The following HEMK1 variants were observed in gnomAD, a reference collection of about 807,000 sequenced individuals.
HEMK1 encodes HemK methyltransferase 1, mitochondrial release factors N(5)-glutamine, also known as MTRF1L release factor glutamine methyltransferase.
In HEMK1, 36 loss-of-function variants were observed where a neutral mutation model predicts 47.9. The ratio of observed to expected loss-of-function variants is 0.75; its 90% CI spans 0.58 to 0.99. HEMK1 has a LOEUF of 0.99. Ranked by LOEUF, HEMK1 falls within the 50% of genes least tolerant of loss-of-function variation. The probability of loss-of-function intolerance (pLI) is 0.00; values close to 1 mark genes in which losing one functional copy is unlikely to be tolerated. For synonymous variants in HEMK1, 153 were observed against 165.4 expected (o/e 0.93, Z 0.57); for missense variants, 383 against 434.5 (o/e 0.88, Z 1.05).
In HEMK1 at chr3:50,585,918, A is replaced by ACTAAC. The variant is rs1390395581; in HGVS notation, c.*5501_*5502insCTAAC. 1 of 152,160 alleles carries ACTAAC rather than the reference A, an allele frequency of 6.6e-6. No individual in the cohort carries two copies. Among genetic ancestry groups the ACTAAC allele is most frequent in the Non-Finnish European group, 1.5e-5 (1 of 68,026 alleles). The allele number at this position is 152,160 out of a possible 1,614,324, so 9.4% of individuals were successfully genotyped here. On this transcript the variant is annotated 3_prime_UTR_variant, in exon 11 of 11. Transcript: ENST00000232854. ...GGCCTGGGGTTAGTTAATTAAGTCA[A>ACTAAC]TTAGGTGGTGCTCATATGGCTGTCC...
intron 8 of HEMK1, among the ~76,000 whole-genome samples, 161 bp downstream of exon 8, chr3:50,579,087 C>G (rs2030323159): frequency 1.3e-5 from 2 of 152,218 alleles, no homozygotes; most frequent in Non-Finnish European, 1.5e-5. Flanking sequence ...TACCTAGATT[C>G]AGCTTCTACC....
chr3:50,575,329 A>G (rs1040145041), intron 4 of HEMK1, among the ~76,000 whole-genome samples: 1 of 152,284 alleles, frequency 6.6e-6, no homozygotes, highest in East Asian at 1.9e-4. Flanking sequence ...AGGCTGAGAC[A>G]GGCGAATCGC....
In HEMK1 at chr3:50,582,469, C is replaced by A. The variant is rs1336282354; in HGVS notation, c.*2052C>A. 6.6e-6 allele frequency: 1 copy of A among 152,264 alleles called. No homozygotes were observed. Among genetic ancestry groups the A allele is most frequent in the Non-Finnish European group, 1.5e-5 (1 of 68,070 alleles). The allele number at this position is 152,264 out of a possible 1,614,324, so 9.4% of individuals were successfully genotyped here. A position where few individuals can be genotyped will look rare whatever the true frequency, so the allele number is the denominator to read the frequency against. On this transcript the variant is annotated 3_prime_UTR_variant, in exon 11 of 11. Transcript: ENST00000232854. Reference sequence around the variant, plus strand: ...CTGGATTTCAATCCCAGAATCTGCCCCTCACGAGGATGTGACCTTGGGCAG... The same window carrying A: ...CTGGATTTCAATCCCAGAATCTGCCACTCACGAGGATGTGACCTTGGGCAG...
intron 7 of HEMK1, among the ~76,000 whole-genome samples, chr3:50,578,171 T>G (rs923970676): frequency 1.3e-5 from 2 of 152,210 alleles, no homozygotes; most frequent in African/African-American, 4.8e-5. Context: ...TGGCAACAGA[T>G]AAGCAAAAGC....
intron 4 of HEMK1, among the ~76,000 whole-genome samples, chr3:50,573,721 G>A (rs778375951): frequency 6.6e-6 from 1 of 152,260 alleles, no homozygotes; most frequent in Non-Finnish European, 1.5e-5. Context: ...TCAAGAGGAC[G>A]TGGCCTGTGG....
In HEMK1 at chr3:50,585,084, A is replaced by G. The variant is rs1243293566; in HGVS notation, c.*4667A>G. On this transcript the variant is annotated 3_prime_UTR_variant, in exon 11 of 11. Transcript: ENST00000232854. ...TGAAAGACTGACCAGCATGGGTCCCAGAAGGGAGTGGGTGAGGAATGGGAC... is the reference window on the plus strand; with the variant it reads ...TGAAAGACTGACCAGCATGGGTCCCGGAAGGGAGTGGGTGAGGAATGGGAC... 6.6e-6 allele frequency: 1 copy of G among 152,282 alleles called. No homozygotes were observed. The highest frequency in any genetic ancestry group is 2.4e-5 in the African/African-American group (1 of 41,450). The allele number at this position is 152,282 out of a possible 1,614,324, so 9.4% of individuals were successfully genotyped here.
chr3:50,580,266 G>A, intron 10 of HEMK1, 37 bp downstream of exon 10: 2 of 1,606,240 alleles, frequency 1.2e-6, no homozygotes, highest in East Asian at 2.2e-5. Flanking sequence ...GTAGCATGCT[G>A]GTCTTTCCAC....
In HEMK1 at chr3:50,584,166, T is replaced by C. The variant is rs2031134783; in HGVS notation, c.*3749T>C. 1 of 152,238 alleles carries C rather than the reference T, an allele frequency of 6.6e-6. No homozygotes were observed. The highest frequency in any genetic ancestry group is 2.4e-5 in the African/African-American group (1 of 41,456). The allele number at this position is 152,238 out of a possible 1,614,324, so 9.4% of individuals were successfully genotyped here. A position where few individuals can be genotyped will look rare whatever the true frequency, so the allele number is the denominator to read the frequency against. On this transcript the variant is annotated 3_prime_UTR_variant, in exon 11 of 11. Transcript: ENST00000232854. Reference sequence around the variant, plus strand: ...CCACACCAGGAGAACAGGCTGTCCTTGGCGGCAGTAGGAGCAGGCGCCAGG... The same window carrying C: ...CCACACCAGGAGAACAGGCTGTCCTCGGCGGCAGTAGGAGCAGGCGCCAGG...
intron 6 of HEMK1, 24 bp from the exon 7 acceptor site, chr3:50,577,802 A>C: frequency 1.2e-6 from 2 of 1,613,586 alleles, no homozygotes; most frequent in Non-Finnish European, 1.7e-6. Context: ...CCCCGTGCCT[A>C]CCCCTTTCTC....
intron 8 of HEMK1, among the ~76,000 whole-genome samples, 175 bp downstream of exon 8, chr3:50,579,101 C>CTACTTCCT (rs1389735363): frequency 6.6e-6 from 1 of 152,202 alleles, no homozygotes; most frequent in Non-Finnish European, 1.5e-5. Flanking sequence ...TTCTACCTTC[C>CTACTTCCT]TACTTCCTTA....
chr3:50,580,577 C>T lies in HEMK1; in HGVS notation c.*160C>T, dbSNP rs1038596083. On this transcript the variant is annotated 3_prime_UTR_variant, in exon 11 of 11. Coordinates refer to ENST00000232854, the MANE Select transcript of HEMK1 (RefSeq NM_016173.5). ...TATTTCTAGGACACCTGGATTGGCTCCATCACATCAGAGTGGCTGAGGGCA... is the reference window on the plus strand; with the variant it reads ...TATTTCTAGGACACCTGGATTGGCTTCATCACATCAGAGTGGCTGAGGGCA... The T allele has an allele frequency of 8.1e-6, 6 of 742,566 alleles. No homozygotes were observed. Among genetic ancestry groups the T allele is most frequent in the African/African-American group, 7.0e-5 (4 of 56,884 alleles). 46.0% of individuals were successfully genotyped at this position (742,566 alleles called of 1,614,324 possible). A position where few individuals can be genotyped will look rare whatever the true frequency, so the allele number is the denominator to read the frequency against.
In HEMK1 at chr3:50,583,503, A is replaced by G. The variant is rs938517677; in HGVS notation, c.*3086A>G. ...CTCCCAAGGCCCCATCAGTGCTCTGAGTAGGCTGTCATCAGAACAAAGGGC... is the reference window on the plus strand; with the variant it reads ...CTCCCAAGGCCCCATCAGTGCTCTGGGTAGGCTGTCATCAGAACAAAGGGC... On this transcript the variant is annotated 3_prime_UTR_variant, in exon 11 of 11. Transcript: ENST00000232854. 1 of 152,346 alleles carries G rather than the reference A, an allele frequency of 6.6e-6. No homozygotes were observed. Among genetic ancestry groups the G allele is most frequent in the African/African-American group, 2.4e-5 (1 of 41,452 alleles). The allele number at this position is 152,346 out of a possible 1,614,324, so 9.4% of individuals were successfully genotyped here. A position where few individuals can be genotyped will look rare whatever the true frequency, so the allele number is the denominator to read the frequency against.
At position 50,593,030 on chromosome 3, in the gene HEMK1, GC is replaced by G. The variant is rs1218496025; in HGVS notation, c.*12617del. 4 of 152,142 alleles carry G rather than the reference GC, an allele frequency of 2.6e-5. No individual in the cohort carries two copies. Among genetic ancestry groups the G allele is most frequent in the African/African-American group, 4.8e-5 (2 of 41,398 alleles). 9.4% of individuals were successfully genotyped at this position (152,142 alleles called of 1,614,324 possible). A position where few individuals can be genotyped will look rare whatever the true frequency, so the allele number is the denominator to read the frequency against. ...TGGGGTGTTGCCCCTCCACTACATGGCCCCAGACCAAGTTCTCTGCCAGTTT... is the reference window on the plus strand; with the variant it reads ...TGGGGTGTTGCCCCTCCACTACATGGCCCAGACCAAGTTCTCTGCCAGTTT... On this transcript the variant is annotated 3_prime_UTR_variant, in exon 11 of 11. Coordinates refer to ENST00000232854, the MANE Select transcript of HEMK1 (RefSeq NM_016173.5).
Position 50,589,755 on chromosome 3 carries a change from G to A in HEMK1, c.*9338G>A, listed in dbSNP as rs532713213. ...GTACTAAAAATACAAAAATTAGCCG[G>A]GTGTGGTGGCTCACGCCTGTAATCC... On this transcript the variant is annotated 3_prime_UTR_variant, in exon 11 of 11. Transcript: ENST00000232854. The A allele has an allele frequency of 3.3e-5, 5 of 152,270 alleles. No individual in the cohort carries two copies. The highest frequency in any genetic ancestry group is 3.3e-4 in the Admixed American group (5 of 15,288). The allele number at this position is 152,270 out of a possible 1,614,324, so 9.4% of individuals were successfully genotyped here. A position where few individuals can be genotyped will look rare whatever the true frequency, so the allele number is the denominator to read the frequency against.
Position 50,579,915 on chromosome 3 carries a change from C to T in HEMK1, c.842C>T (p.Ala281Val), listed in dbSNP as rs751616965. ...ATCATTACCCACATTCTGGCCTTGGCACCCCGGCTCCTGAAAGACTCTGGG... is the reference window on the plus strand; with the variant it reads ...ATCATTACCCACATTCTGGCCTTGGTACCCCGGCTCCTGAAAGACTCTGGG... ...MDIITHILAL[A>V]PRLLKDSGSI... Residue 281 changes from alanine (A) to valine (V), a missense_variant, in exon 9 of 11, where the codon GCA (alanine) becomes GTA (valine). Transcript: ENST00000232854. 1.2e-6 allele frequency: 2 copies of T among 1,613,830 alleles called. No individual in the cohort carries two copies. Among genetic ancestry groups the T allele is most frequent in the Non-Finnish European group, 1.7e-6 (2 of 1,179,890 alleles).
chr3:50,575,643 A>C (rs1310999733), intron 4 of HEMK1, among the ~76,000 whole-genome samples: 1 of 152,120 alleles, frequency 6.6e-6, no homozygotes, highest in Non-Finnish European at 1.5e-5. Context: ...GGCTTTCTGG[A>C]ATAGGTAGTC....
Position 50,594,570 on chromosome 3 carries a change from A to G in HEMK1, c.*14153A>G, listed in dbSNP as rs988138036. The G allele has an allele frequency of 1.3e-5, 2 of 152,308 alleles. No individual in the cohort carries two copies. The highest frequency in any genetic ancestry group is 4.8e-5 in the African/African-American group (2 of 41,460). 9.4% of individuals were successfully genotyped at this position (152,308 alleles called of 1,614,324 possible). On this transcript the variant is annotated 3_prime_UTR_variant, in exon 11 of 11. Transcript: ENST00000232854. ...CACATCCCCTCTCACTCAAGTTCCC[A>G]CAGAGTAGTTGCAATGGTGAGCTGA...
chr3:50,578,041 C>T (rs116108034), intron 7 of HEMK1, among the ~76,000 whole-genome samples, 166 bp downstream of exon 7: 2,338 of 152,256 alleles, frequency 0.015, 22 homozygotes, highest in South Asian at 0.028. Flanking sequence ...GCAGCTCAAA[C>T]GAAGCCTTGG....
At position 50,571,792 on chromosome 3, in the gene HEMK1, G is replaced by A. The variant is rs1282252128; in HGVS notation, c.311G>A (p.Arg104Gln). 1.1e-5 allele frequency: 18 copies of A among 1,614,036 alleles called. No homozygotes were observed. Among genetic ancestry groups the A allele is most frequent in the South Asian group, 6.6e-5 (6 of 91,084 alleles). Residue 104 changes from arginine (R) to glutamine (Q), a missense_variant, in exon 3 of 11, where the codon CGA (arginine) becomes CAA (glutamine). Coordinates refer to ENST00000232854, the MANE Select transcript of HEMK1 (RefSeq NM_016173.5). ...TGTATCCGGGAGCTGAGTAGCCGTC[G>A]ATTGCAGAGGTGAGCACCCATGGAT... ...LQCIRELSSR[R>Q]LQRMPVQYIL...
Sources: gnomAD v4.1 joint callset for allele counts (sites outside exome capture counted in the v4.1 genomes callset) on GRCh38, gnomAD v4.1.1 for gene constraint, MANE v1.5 for transcripts, NCBI Gene and HGNC (gene_info 2026-07-23, HGNC 2026-07-21) for gene names.